The following CPVL variants were observed in gnomAD, a reference collection of about 807,000 sequenced individuals.
CPVL encodes the protein carboxypeptidase vitellogenic like.
A neutral mutation model predicts 63.7 loss-of-function variants in CPVL; 51 were observed. That is an observed-to-expected ratio of 0.80 (90% CI 0.64 to 1.01). The LOEUF is 1.01. CPVL is among the 50% of genes least tolerant of loss of function. The pLI is 0.00. For synonymous variants in CPVL, 195 were observed against 206.0 expected (o/e 0.95, Z 0.46); for missense variants, 530 against 573.1 (o/e 0.92, Z 0.77).
chr7:29,167,050 C>A (rs1021614135), intron 5 of CPVL, among the ~76,000 whole-genome samples: 1 of 151,946 alleles, frequency 6.6e-6, no homozygotes, highest in African/African-American at 2.4e-5. Flanking sequence ...ACAAAGTGAA[C>A]AATGTTTACA....
intron 3 of CPVL, 142 bp from the exon 4 acceptor site, chr7:29,096,359 A>G: frequency 1.5e-6 from 1 of 654,542 alleles, no homozygotes; most frequent in Non-Finnish European, 2.8e-6. Context: ...CTCAGTAACC[A>G]CTCTCCACTA....
At chr7:29,061,136 G>A (rs191901964) in intron 11 of CPVL, among the ~76,000 whole-genome samples, 211 of 152,222 alleles carry the variant, frequency 1.4e-3, no homozygotes, top group African/African-American at 4.5e-3. Context: ...TGCCAGACAC[G>A]GTGGCTCACA....
chr7:29,076,935 A>G (rs765560768), intron 7 of CPVL, among the ~76,000 whole-genome samples: 3 of 152,214 alleles, frequency 2.0e-5, no homozygotes, highest in Non-Finnish European at 4.4e-5. Context: ...TGAGGAGCAC[A>G]TTGTACTTGT....
intron 7 of CPVL, among the ~76,000 whole-genome samples, chr7:29,076,567 T>C (rs2128583125): frequency 6.6e-6 from 1 of 152,348 alleles, no homozygotes; most frequent in East Asian, 1.9e-4. Flanking sequence ...AGGTTAGCAC[T>C]CAACACATCA....
chr7:29,117,380 A>G (rs1478466309), intron 2 of CPVL, among the ~76,000 whole-genome samples: 2 of 152,234 alleles, frequency 1.3e-5, no homozygotes, highest in Non-Finnish European at 2.9e-5. Flanking sequence ...GTTCCACCAG[A>G]TGTATGATAC....
chr7:29,148,665 G>T (rs17756127), upstream of CPVL: 3 of 152,120 alleles, frequency 2.0e-5, no homozygotes, highest in South Asian at 4.1e-4. Context: ...TGACCTTTTT[G>T]GGGTACCCTG....
chr7:29,008,945 A>C (rs1785496002), intron 12 of CPVL: 1 of 152,036 alleles, frequency 6.6e-6, no homozygotes, highest in Non-Finnish European at 1.5e-5. Context: ...CATAAGCTGA[A>C]ATCTGTTGAT....
At chr7:29,006,418 T>A (rs1169767503) in intron 12 of CPVL, among the ~76,000 whole-genome samples, 2 of 152,168 alleles carry the variant, frequency 1.3e-5, no homozygotes, top group African/African-American at 4.8e-5. Flanking sequence ...GCTCTGGAAA[T>A]CAGATGAGCC....
At chr7:29,113,177 G>A (rs1788426208) in intron 2 of CPVL, among the ~76,000 whole-genome samples, 1 of 152,172 alleles carries the variant, frequency 6.6e-6, no homozygotes, top group African/African-American at 2.4e-5. Flanking sequence ...ACATGGAAAG[G>A]AGCAGGATAA....
At chr7:29,016,350 C>CAA (rs781649021) in intron 12 of CPVL, among the ~76,000 whole-genome samples, 1 of 126,810 alleles carries the variant, frequency 7.9e-6, no homozygotes. Context: ...GACTCCATAT[C>CAA]AAAAAAAAAA....
chr7:29,175,958 G>A lies in CPVL; in HGVS notation c.-11+5332C>T, dbSNP rs535119450. On this transcript the variant is annotated intron_variant, in intron 5 of 16. Transcript: ENST00000409850. Reference sequence around the variant, plus strand: ...TCCCAGCACTTTGGGAGGCCGAGGCGGGAAGATCACAAGGTCAGGAGATCA... The same window carrying A: ...TCCCAGCACTTTGGGAGGCCGAGGCAGGAAGATCACAAGGTCAGGAGATCA... Among the ~76,000 whole-genome samples, 40 of 152,128 alleles carry A rather than the reference G, an allele frequency of 2.6e-4. 1 individual carries two copies. The South Asian group carries it at 3.7e-3, about 14-fold the overall frequency.
intron 5 of CPVL, among the ~76,000 whole-genome samples, chr7:29,168,036 G>T (rs1160754952): frequency 1.3e-5 from 2 of 152,224 alleles, no homozygotes; most frequent in African/African-American, 4.8e-5. Flanking sequence ...ACATTTGTGT[G>T]AGTGAGAAGT....
intron 11 of CPVL, among the ~76,000 whole-genome samples, chr7:29,033,014 A>G (rs1788180782): frequency 6.6e-6 from 1 of 152,240 alleles, no homozygotes; most frequent in South Asian, 2.1e-4. Flanking sequence ...AGAAACAGCA[A>G]AGAGCTGAAT....
At chr7:29,115,392 A>G (rs938024266) in intron 2 of CPVL, among the ~76,000 whole-genome samples, 4 of 152,188 alleles carry the variant, frequency 2.6e-5, no homozygotes, top group Admixed American at 2.6e-4. Context: ...AGCCAGAGAA[A>G]AAGAGAGAGA....
intron 5 of CPVL, among the ~76,000 whole-genome samples, chr7:29,180,101 A>G (rs1356851514): frequency 6.6e-6 from 1 of 152,202 alleles, no homozygotes; most frequent in East Asian, 1.9e-4. Context: ...CATGTGTTTC[A>G]TTCTTAATAT....
chr7:29,077,649 C>T (rs1485391199), intron 7 of CPVL, among the ~76,000 whole-genome samples: 1 of 152,166 alleles, frequency 6.6e-6, no homozygotes, highest in Non-Finnish European at 1.5e-5. Context: ...TCCTTTGTAT[C>T]CCCAGAAGGC....
intron 11 of CPVL, among the ~76,000 whole-genome samples, chr7:29,032,260 T>A (rs1219401811): frequency 1.3e-5 from 2 of 151,788 alleles, no homozygotes; most frequent in African/African-American, 4.8e-5. Flanking sequence ...TTTTACACAC[T>A]CCAAATCCTC....
At chr7:29,052,415 C>G (rs1194361887) in intron 11 of CPVL, among the ~76,000 whole-genome samples, 2 of 132,820 alleles carry the variant, frequency 1.5e-5, no homozygotes, top group Admixed American at 1.6e-4. Context: ...TTTAACTTGA[C>G]TAAAATGAAA....
At chr7:29,120,835 AAAAG>A in intron 2 of CPVL, 54 bp downstream of exon 2, 3 of 1,467,206 alleles carry the variant, frequency 2.0e-6, no homozygotes, top group Admixed American at 2.2e-5. Flanking sequence ...AAAAAAAAAA[AAAAG>A]AGAAACTGTT....
Sources: gnomAD v4.1 joint callset for allele counts (sites outside exome capture counted in the v4.1 genomes callset) on GRCh38, gnomAD v4.1.1 for gene constraint, MANE v1.5 for transcripts, NCBI Gene and HGNC (gene_info 2026-07-23, HGNC 2026-07-21) for gene names.